The following RPS6KA2 variants were observed in gnomAD, a reference collection of about 807,000 sequenced individuals.
RPS6KA2 encodes ribosomal protein S6 kinase A2.
In RPS6KA2, 42 loss-of-function variants were observed where a neutral mutation model predicts 91.8. The observed-to-expected ratio is 0.46, with a 90% CI of 0.36 to 0.59. The LOEUF (loss-of-function observed/expected upper bound fraction) is 0.59. RPS6KA2 is among the 20% of genes least tolerant of loss of function. The probability of loss-of-function intolerance (pLI) is 0.00; values close to 1 mark genes in which losing one functional copy is unlikely to be tolerated. For missense variants in RPS6KA2, 798 were observed against 978.5 expected, an observed-to-expected ratio of 0.82 and a Z score of 2.46; for synonymous variants, 414 against 393.6, an observed-to-expected ratio of 1.05 and a Z score of -0.61.
At chr6:166,601,840 CTTAA>C (rs1315420503) in intron 1 of RPS6KA2, among the ~76,000 whole-genome samples, 15 of 152,140 alleles carry the variant, frequency 9.9e-5, no homozygotes, top group African/African-American at 3.4e-4. Context: ...GGATAGACTT[CTTAA>C]TTAAGACACA....
chr6:166,802,537 G>A (rs1003032249), intron 2 of RPS6KA2, among the ~76,000 whole-genome samples: 1 of 152,166 alleles, frequency 6.6e-6, no homozygotes, highest in African/African-American at 2.4e-5. Context: ...TTTGCTGCAC[G>A]ACCGTCTGCC....
rs556086103 is a variant in RPS6KA2, at chr6:166,648,838, C to A, written c.124-110054G>T. ...TCGGTGCCTGGCACAGGAAGCATCT[C>A]ATTCTGTCTCTCCTCACCCCCCTTA... On this transcript the variant is annotated intron_variant, in intron 2 of 21. Transcript: ENST00000503859. This position sits in a 1 kb window ranked among gnomAD's most constrained non-coding sequence, Gnocchi z 4.8. 6.6e-6 allele frequency among the ~76,000 whole-genome samples: 1 copy of A among 152,254 alleles called. No individual in the cohort carries two copies. Among genetic ancestry groups the A allele is most frequent in the South Asian group, 2.1e-4 (1 of 4,832 alleles).
chr6:166,680,963 A>C (rs1385108126), intron 2 of RPS6KA2, among the ~76,000 whole-genome samples: 1 of 152,204 alleles, frequency 6.6e-6, no homozygotes, highest in Non-Finnish European at 1.5e-5. Context: ...AAGGCCTGTG[A>C]GGGACCTGTT....
intron 2 of RPS6KA2, among the ~76,000 whole-genome samples, chr6:166,756,125 CT>C (rs57328632): frequency 0.13 from 20,257 of 151,976 alleles, 1,965 homozygotes; most frequent in African/African-American, 0.27. Flanking sequence ...CCTGTCTCTA[CT>C]AAAAATACAA....
At chr6:166,736,997 G>A (rs58508312) in intron 2 of RPS6KA2, among the ~76,000 whole-genome samples, 3,306 of 151,660 alleles carry the variant, frequency 0.022, 89 homozygotes, top group East Asian at 0.1. Flanking sequence ...GGTGGGGAGG[G>A]AGGGGCTGGG....
At position 166,769,324 on chromosome 6, in the gene RPS6KA2, G is replaced by A. The variant is rs529615089; in HGVS notation, c.123+88876C>T. On this transcript the variant is annotated intron_variant, in intron 2 of 21. Transcript: ENST00000503859. ...TTTGGATAAAGCCACGTCAAGTTTC[G>A]CTAAGAATCACCAATTACAGCTTGA... Among the ~76,000 whole-genome samples the A allele has an allele frequency of 7.2e-5, 11 of 152,306 alleles. No individual in the cohort carries two copies. In the South Asian group the frequency reaches 1.9e-3, roughly 26 times the overall value.
chr6:166,697,337 G>A (rs1313423014), intron 2 of RPS6KA2, among the ~76,000 whole-genome samples: 1 of 152,228 alleles, frequency 6.6e-6, no homozygotes, highest in Non-Finnish European at 1.5e-5. Context: ...TGGAACTGTG[G>A]CAGAATGTCC....
At chr6:166,689,131 G>T (rs572610174) in intron 2 of RPS6KA2, among the ~76,000 whole-genome samples, 17 of 152,260 alleles carry the variant, frequency 1.1e-4, no homozygotes, top group Non-Finnish European at 1.6e-4. Context: ...TGTGCCTGGA[G>T]GCTGCGCCAA....
rs1782358890 is a variant in RPS6KA2, at chr6:166,508,813, C to T, written c.380-531G>A. On this transcript the variant is annotated intron_variant, in intron 4 of 20. Coordinates refer to ENST00000265678, the MANE Select transcript of RPS6KA2 (RefSeq NM_021135.6). The surrounding 1 kb of genome is among the most constrained non-coding windows in gnomAD (Gnocchi z 4.3). Reference sequence around the variant, plus strand: ...TTATTTGAACATCAACAATGGGGCTCACGTCCTAGGTCTGGTCACTGTGAG... The same window carrying T: ...TTATTTGAACATCAACAATGGGGCTTACGTCCTAGGTCTGGTCACTGTGAG... 6.6e-6 allele frequency among the ~76,000 whole-genome samples: 1 copy of T among 152,180 alleles called. No individual in the cohort carries two copies. The highest frequency in any genetic ancestry group is 2.4e-5 in the African/African-American group (1 of 41,438).
chr6:166,604,023 G>A (rs1785846991), intron 1 of RPS6KA2, among the ~76,000 whole-genome samples: 1 of 152,208 alleles, frequency 6.6e-6, no homozygotes, highest in Admixed American at 6.5e-5. Context: ...AACAAAGTGT[G>A]TAAAGGTGGA....
intron 2 of RPS6KA2, among the ~76,000 whole-genome samples, chr6:166,681,406 C>T (rs568005511): frequency 6.6e-6 from 1 of 152,148 alleles, no homozygotes; most frequent in Non-Finnish European, 1.5e-5. Context: ...GAAACCACGC[C>T]CTTCTTCTAG....
In RPS6KA2 at chr6:166,780,172, G is replaced by A. The variant is rs116014027; in HGVS notation, c.123+78028C>T. Among the ~76,000 whole-genome samples the A allele has an allele frequency of 2.7e-3, 415 of 152,326 alleles. 2 individuals are homozygous for A. The highest frequency in any genetic ancestry group is 9.2e-3 in the African/African-American group (384 of 41,562). On this transcript the variant is annotated intron_variant, in intron 2 of 21. Transcript: ENST00000503859. Reference sequence around the variant, plus strand: ...GCAGCATAGTTCTGGGCTGCATCGCGTACCCCAAAATCCATGCCTTGAAGT... The same window carrying A: ...GCAGCATAGTTCTGGGCTGCATCGCATACCCCAAAATCCATGCCTTGAAGT...
At chr6:166,618,681 C>T (rs1446057188) in intron 1 of RPS6KA2, among the ~76,000 whole-genome samples, 1 of 152,248 alleles carries the variant, frequency 6.6e-6, no homozygotes, top group Non-Finnish European at 1.5e-5. Flanking sequence ...AAATGCCCAT[C>T]ACCTCCGTTA....
chr6:166,785,330 C>G (rs1778902296), intron 2 of RPS6KA2, among the ~76,000 whole-genome samples: 1 of 152,232 alleles, frequency 6.6e-6, no homozygotes, highest in African/African-American at 2.4e-5. Flanking sequence ...GTTCTGCCGG[C>G]CTCAGTCTCC....
chr6:166,507,928 G>A (rs1006971762), intron 5 of RPS6KA2, among the ~76,000 whole-genome samples: 4 of 85,568 alleles, frequency 4.7e-5, no homozygotes, highest in Admixed American at 3.4e-4. Context: ...CACACATCAC[G>A]CACATGCACT....
intron 10 of RPS6KA2, among the ~76,000 whole-genome samples, chr6:166,476,443 C>T (rs138250032): frequency 0.01 from 1,571 of 152,306 alleles, 13 homozygotes; most frequent in Non-Finnish European, 0.016. Flanking sequence ...GCATTAGAGA[C>T]GTGTGTTTTT....
intron 2 of RPS6KA2, among the ~76,000 whole-genome samples, chr6:166,826,541 C>G (rs756960058): frequency 1.3e-5 from 2 of 152,168 alleles, no homozygotes; most frequent in African/African-American, 2.4e-5. Flanking sequence ...AGATTTGGCT[C>G]TTACAAAAGA....
intron 2 of RPS6KA2, among the ~76,000 whole-genome samples, chr6:166,700,424 G>A (rs1389905521): frequency 2.6e-5 from 4 of 151,762 alleles, no homozygotes; most frequent in East Asian, 1.9e-4. Flanking sequence ...AGCTGTTGCT[G>A]TTAAATTTTA....
chr6:166,581,974 G>C (rs79541284), intron 1 of RPS6KA2, among the ~76,000 whole-genome samples: 1,159 of 84,248 alleles, frequency 0.014, 34 homozygotes, highest in East Asian at 0.035. Context: ...GACGCCCACT[G>C]GGCAGGTGGG....
Sources: allele counts gnomAD v4.1 joint callset (sites outside exome capture counted in the v4.1 genomes callset), GRCh38; gene constraint gnomAD v4.1.1; non-coding constraint Gnocchi (gnomAD v3.1); transcripts MANE v1.5; gene names NCBI Gene and HGNC (gene_info 2026-07-23, HGNC 2026-07-21).